SFTPD: variants seen among roughly 807,000 people sequenced by gnomAD.
SFTPD encodes pulmonary surfactant-associated protein D.
A neutral mutation model predicts 34.6 loss-of-function variants in SFTPD; 18 were observed. The observed-to-expected ratio is 0.52, with a 90% confidence interval of 0.36 to 0.77. SFTPD has a LOEUF of 0.77. Among genes scored for constraint, SFTPD ranks in the 30% least tolerant of loss-of-function variants. The pLI, the probability that SFTPD is intolerant of heterozygous loss-of-function variation, is 0.00. For synonymous variants in SFTPD, 155 were observed against 180.9 expected, an observed-to-expected ratio of 0.86 and a Z score of 1.15; for missense variants, 433 against 468.9, an observed-to-expected ratio of 0.92 and a Z score of 0.71.
intron 2 of SFTPD, among the ~76,000 whole-genome samples, chr10:79,943,539 G>A (rs549093389): frequency 2.8e-4 from 42 of 152,306 alleles, no homozygotes; most frequent in African/African-American, 1.0e-3. Context: ...AAGGAGAATC[G>A]AGGGAGATTT....
chr10:79,963,443 G>A (rs1411679014), intron 1 of SFTPD, among the ~76,000 whole-genome samples: 3 of 151,982 alleles, frequency 2.0e-5, no homozygotes, highest in African/African-American at 7.2e-5. Flanking sequence ...CAAAAACCTA[G>A]TATGTTATCT....
chr10:79,958,049 T>G (rs1842750385), intron 1 of SFTPD, among the ~76,000 whole-genome samples: 3 of 152,180 alleles, frequency 2.0e-5, no homozygotes, highest in African/African-American at 7.2e-5. Context: ...CCAGTCAAAC[T>G]AAGCTTCATA....
Position 79,946,604 on chromosome 10 carries a change from A to T in SFTPD, c.56T>A (p.Leu19Gln), listed in dbSNP as rs150369405. The T allele has an allele frequency of 6.2e-7, 1 of 1,614,080 alleles. No homozygotes were observed. Residue 19 changes from leucine to glutamine, a missense_variant, in exon 2 of 8, where the codon CTG (leucine) becomes CAG (glutamine). Transcript: ENST00000372292. The part of the protein sequence containing the change: ...LVLLTQPLGY[L>Q]EAEMKTYSHR... ...GGAGTAGGTCTTCATTTCTGCTTCC[A>T]GGTAGCCCAGGGGCTGTGTGAGCAG...
chr10:79,978,352 CA>C (rs1391910380), intron 1 of SFTPD, among the ~76,000 whole-genome samples: 1 of 152,116 alleles, frequency 6.6e-6, no homozygotes, highest in East Asian at 1.9e-4. Flanking sequence ...TTACATTCAT[CA>C]CAACAAATTA....
chr10:79,940,682 C>A, intron 7 of SFTPD, 23 bp downstream of exon 7: 1 of 1,507,188 alleles, frequency 6.6e-7, no homozygotes, highest in South Asian at 1.1e-5. Context: ...GTGCTGGGTC[C>A]AGGTTCAGAT....
intron 1 of SFTPD, among the ~76,000 whole-genome samples, chr10:79,959,265 G>C (rs1220005596): frequency 4.0e-5 from 6 of 151,496 alleles, no homozygotes; most frequent in Non-Finnish European, 8.8e-5. Flanking sequence ...ACATTCAAAA[G>C]CTAGCAGAAG....
At chr10:79,961,217 A>C (rs1373497155) in intron 1 of SFTPD, among the ~76,000 whole-genome samples, 2 of 152,212 alleles carry the variant, frequency 1.3e-5, no homozygotes, top group African/African-American at 4.8e-5. Context: ...AGGCAATACC[A>C]TTCAGGACAT....
intron 1 of SFTPD, among the ~76,000 whole-genome samples, chr10:79,958,484 G>A (rs1415785368): frequency 2.0e-5 from 3 of 152,136 alleles, no homozygotes; most frequent in African/African-American, 7.2e-5. Context: ...AAAAGGCAGG[G>A]GTTGCAATCC....
chr10:79,944,830 C>T (rs1842650037), intron 2 of SFTPD, among the ~76,000 whole-genome samples: 1 of 152,092 alleles, frequency 6.6e-6, no homozygotes, highest in African/African-American at 2.4e-5. Flanking sequence ...CAAGCTTCAC[C>T]CTCCACCCCT....
intron 1 of SFTPD, among the ~76,000 whole-genome samples, chr10:79,958,814 T>C (rs1842755412): frequency 6.6e-6 from 1 of 151,906 alleles, no homozygotes; most frequent in Non-Finnish European, 1.5e-5. Flanking sequence ...ACTACAGAAC[T>C]CTCCACCCCA....
intron 1 of SFTPD, chr10:79,981,829 A>G (rs926626104): frequency 1.3e-4 from 27 of 209,392 alleles, no homozygotes; most frequent in Non-Finnish European, 2.9e-5. Context: ...CCAGACCGGC[A>G]GTGGCCTTCA....
At chr10:79,954,253 G>T (rs1842726900) in intron 1 of SFTPD, among the ~76,000 whole-genome samples, 1 of 152,118 alleles carries the variant, frequency 6.6e-6, no homozygotes, top group Non-Finnish European at 1.5e-5. Flanking sequence ...TATGATCCTT[G>T]TATGCTTGCA....
intron 1 of SFTPD, among the ~76,000 whole-genome samples, chr10:79,955,666 C>A (rs10887234): frequency 0.15 from 22,277 of 152,184 alleles, 2,063 homozygotes; most frequent in East Asian, 0.41. Context: ...ATCCAATTCA[C>A]ATGCATATGC....
chr10:79,940,683 A>T (rs2132492619), intron 7 of SFTPD, 22 bp downstream of exon 7: 1 of 1,508,262 alleles, frequency 6.6e-7, no homozygotes, highest in African/African-American at 1.4e-5. Flanking sequence ...TGCTGGGTCC[A>T]GGTTCAGATC....
chr10:79,970,870 A>T (rs1387177908), intron 1 of SFTPD: 1 of 152,104 alleles, frequency 6.6e-6, no homozygotes, highest in Non-Finnish European at 1.5e-5. Context: ...CTCTTACCTA[A>T]TTGTTCTGCC....
chr10:79,964,135 G>A (rs1023012922), intron 1 of SFTPD, among the ~76,000 whole-genome samples: 12 of 151,882 alleles, frequency 7.9e-5, no homozygotes, highest in Non-Finnish European at 1.3e-4. Flanking sequence ...GCCCTAACTC[G>A]AGCCCTCACT....
rs532647594 is a variant in SFTPD, at chr10:79,939,646, A to T, written c.751+1059T>A. On this transcript the variant is annotated intron_variant, in intron 7 of 7. Transcript: ENST00000372292. ...ACATGTTCCTCTGTGTGTTTCTGTCACTGTGCCTCTGAGTGAATTAGAGCA... is the reference window on the plus strand; with the variant it reads ...ACATGTTCCTCTGTGTGTTTCTGTCTCTGTGCCTCTGAGTGAATTAGAGCA... 1.3e-5 allele frequency among the ~76,000 whole-genome samples: 2 copies of T among 152,304 alleles called. 1 individual carries two copies. The highest frequency in any genetic ancestry group is 4.1e-4 in the South Asian group (2 of 4,824).
At chr10:79,957,797 G>A (rs573486685) in intron 1 of SFTPD, among the ~76,000 whole-genome samples, 212 of 152,214 alleles carry the variant, frequency 1.4e-3, no homozygotes, top group African/African-American at 4.8e-3. Context: ...GAAATACAGA[G>A]AACGCCACAA....
At position 79,946,453 on chromosome 10, in the gene SFTPD, C is replaced by T; in HGVS notation, c.199+8G>A. 6.2e-7 allele frequency: 1 copy of T among 1,610,048 alleles called. No homozygotes were observed. Among genetic ancestry groups the T allele is most frequent in the South Asian group, 1.1e-5 (1 of 91,000 alleles). On this transcript the variant is annotated splice_region_variant and intron_variant, in intron 2 of 7. Coordinates refer to ENST00000372292, the MANE Select transcript of SFTPD (RefSeq NM_003019.5). ...CCCCAGCAGGATAAGCCCAGGGCCC[C>T]ACCCTACCTGGGTCCCCCTTCTCGC...
Sources: allele counts gnomAD v4.1 joint callset (sites outside exome capture counted in the v4.1 genomes callset), GRCh38; gene constraint gnomAD v4.1.1; transcripts MANE v1.5; gene names NCBI Gene and HGNC (gene_info 2026-07-23, HGNC 2026-07-21).